The following ZNF536 variants were observed in gnomAD, a reference collection of about 807,000 sequenced individuals.
ZNF536 encodes zinc finger protein 536.
In ZNF536, 13 loss-of-function variants were observed where a neutral mutation model predicts 84.5. That is an observed-to-expected ratio of 0.15 (90% confidence interval 0.10 to 0.24). The LOEUF (loss-of-function observed/expected upper bound fraction) is 0.24, where lower values mean the gene tolerates loss of function less well. ZNF536 is among the 10% of genes least tolerant of loss of function. The pLI, the probability that ZNF536 is intolerant of heterozygous loss-of-function variation, is 1.00. For missense variants in ZNF536, 1,536 were observed against 1,747.5 expected (o/e 0.88, Z 2.16); for synonymous variants, 811 against 742.5 (o/e 1.09, Z -1.50).
At chr19:30,704,647 C>CAACA (rs2052145176) in intron 1 of ZNF536, among the ~76,000 whole-genome samples, 1 of 53,472 alleles carries the variant, frequency 1.9e-5, no homozygotes, top group Non-Finnish European at 3.5e-5. Context: ...GAGTCCATCT[C>CAACA]AAAAAAAAAA....
intron 1 of ZNF536, among the ~76,000 whole-genome samples, chr19:30,608,543 C>A (rs1354384358): frequency 6.6e-6 from 1 of 152,120 alleles, no homozygotes; most frequent in Non-Finnish European, 1.5e-5. Context: ...AGCTCTTTAC[C>A]CAGCTGTAGG....
chr19:30,417,583 T>C (rs2050787701), intron 1 of ZNF536, among the ~76,000 whole-genome samples: 1 of 152,210 alleles, frequency 6.6e-6, no homozygotes, highest in South Asian at 2.1e-4. Context: ...AGGATAAAGT[T>C]TTCTTATTTC....
At chr19:30,280,844 G>T (rs927458240) in intron 1 of ZNF536, among the ~76,000 whole-genome samples, 11 of 152,214 alleles carry the variant, frequency 7.2e-5, no homozygotes, top group Non-Finnish European at 1.5e-4. Context: ...GAGGGAGGAG[G>T]GTGCCTCATC....
chr19:30,658,512 C>G (rs936185351), intron 1 of ZNF536, among the ~76,000 whole-genome samples: 1 of 151,888 alleles, frequency 6.6e-6, no homozygotes, highest in Admixed American at 6.6e-5. Context: ...GTTCTCAATG[C>G]CTGGAATGAA....
At chr19:30,254,580 C>G (rs1342734337) in intron 1 of ZNF536, among the ~76,000 whole-genome samples, 1 of 41,522 alleles carries the variant, frequency 2.4e-5, no homozygotes, top group Non-Finnish European at 4.3e-5. Context: ...TGATTGTTCT[C>G]TTTTTGAAAA....
In ZNF536 at chr19:30,348,911, A is replaced by T. The variant is rs531447339; in HGVS notation, c.-119-3457A>T. 6.2e-4 allele frequency among the ~76,000 whole-genome samples: 94 copies of T among 152,236 alleles called. 1 individual carries two copies. Among genetic ancestry groups the T allele is most frequent in the Non-Finnish European group, 7.4e-5 (5 of 68,024 alleles). On this transcript the variant is annotated intron_variant, in intron 2 of 5. Coordinates refer to the ZNF536 transcript ENST00000585628. ...GTTGAGAACCCATATTTGAAAGCAC[A>T]AATGATTGTGTATGAATCAAACACA... is the stretch of plus-strand genomic sequence containing the variant.
intron 2 of ZNF536, among the ~76,000 whole-genome samples, chr19:30,463,810 G>C (rs1292447863): frequency 6.6e-6 from 1 of 152,144 alleles, no homozygotes; most frequent in Non-Finnish European, 1.5e-5. Context: ...GCATGAGGGA[G>C]CGTGGGGGTT....
intron 1 of ZNF536, among the ~76,000 whole-genome samples, chr19:30,631,623 TACTGCTGGCCTGG>T (rs904563145): frequency 6.6e-6 from 1 of 152,194 alleles, no homozygotes; most frequent in Non-Finnish European, 1.5e-5. Flanking sequence ...CTCCCAGTGC[TACTGCTGGCCTGG>T]ACTGCTGGCC....
At position 30,693,646 on chromosome 19, in the gene ZNF536, G is replaced by A. The variant is rs113088982; in HGVS notation, c.170-17111G>A. On this transcript the variant is annotated intron_variant, in intron 1 of 1. Transcript: ENST00000592773. Reference sequence around the variant, plus strand: ...TATTTTATTTATTTATGTCTGCCACGTGACATTAGTGGCGCTCCAGGATGA... The same window carrying A: ...TATTTTATTTATTTATGTCTGCCACATGACATTAGTGGCGCTCCAGGATGA... 3.2e-4 allele frequency among the ~76,000 whole-genome samples: 48 copies of A among 151,918 alleles called. 2 individuals are homozygous for A. Among genetic ancestry groups the A allele is most frequent in the Non-Finnish European group, 7.4e-5 (5 of 67,990 alleles).
At chr19:30,671,031 C>G (rs1042142760) in intron 1 of ZNF536, among the ~76,000 whole-genome samples, 14 of 152,146 alleles carry the variant, frequency 9.2e-5, no homozygotes, top group African/African-American at 3.1e-4. Flanking sequence ...CTCATTCAAT[C>G]ATTCTTTCAT....
chr19:30,229,998 T>A (rs1385694734), intron 1 of ZNF536, among the ~76,000 whole-genome samples: 3 of 152,108 alleles, frequency 2.0e-5, no homozygotes, highest in Admixed American at 6.5e-5. Context: ...CTTAATCTGG[T>A]CAAACTTAAG....
intron 2 of ZNF536, among the ~76,000 whole-genome samples, chr19:30,328,649 A>G (rs2047113435): frequency 6.6e-6 from 1 of 152,220 alleles, no homozygotes. Flanking sequence ...TTCAGAAATG[A>G]AGGTCTGATG....
At chr19:30,314,452 G>T (rs1160232384) in intron 2 of ZNF536, among the ~76,000 whole-genome samples, 8 of 152,074 alleles carry the variant, frequency 5.3e-5, no homozygotes, top group Admixed American at 3.3e-4. Flanking sequence ...CACACATCTC[G>T]AGGGTCCACT....
intron 1 of ZNF536, among the ~76,000 whole-genome samples, chr19:30,435,878 T>C (rs62101956): frequency 0.11 from 16,067 of 152,178 alleles, 1,215 homozygotes; most frequent in African/African-American, 0.21. Flanking sequence ...GCTGCAGTTT[T>C]AGCAGAGACT....
At chr19:30,229,319 A>G (rs2022837155) in intron 1 of ZNF536, among the ~76,000 whole-genome samples, 1 of 152,132 alleles carries the variant, frequency 6.6e-6, no homozygotes, top group Admixed American at 6.5e-5. Flanking sequence ...TGGAAATGCC[A>G]TCAATCCTAT....
At chr19:30,348,225 A>C (rs974980819) in intron 2 of ZNF536, among the ~76,000 whole-genome samples, 1 of 152,216 alleles carries the variant, frequency 6.6e-6, no homozygotes, top group African/African-American at 2.4e-5. Context: ...TTCATTCAAC[A>C]AATAAAACAC....
chr19:30,258,253 CTT>C (rs1157026671), intron 1 of ZNF536, among the ~76,000 whole-genome samples: 1 of 152,226 alleles, frequency 6.6e-6, no homozygotes, highest in Non-Finnish European at 1.5e-5. Context: ...CTCCAAGCCA[CTT>C]CCAATGACTC....
chr19:30,627,237 G>A (rs1242280195), intron 1 of ZNF536, among the ~76,000 whole-genome samples: 1 of 152,012 alleles, frequency 6.6e-6, no homozygotes, highest in African/African-American at 2.4e-5. Flanking sequence ...AGGCCAAGGC[G>A]AGAGGGTCAT....
At chr19:30,251,113 T>C (rs1220483644) in intron 1 of ZNF536, among the ~76,000 whole-genome samples, 1 of 152,134 alleles carries the variant, frequency 6.6e-6, no homozygotes, top group Non-Finnish European at 1.5e-5. Context: ...AGACTCCCTA[T>C]CATCGGTGGG....
Sources: allele counts gnomAD v4.1 joint callset (sites outside exome capture counted in the v4.1 genomes callset), GRCh38; gene constraint gnomAD v4.1.1; transcripts MANE v1.5; gene names NCBI Gene and HGNC (gene_info 2026-07-23, HGNC 2026-07-21).